CEP135: variants seen among roughly 807,000 people sequenced by gnomAD.
CEP135 encodes centrosomal protein of 135 kDa.
Under a neutral mutation model 157.3 loss-of-function variants are expected in CEP135, and 142 were observed. That is an observed-to-expected ratio of 0.90 (90% confidence interval 0.79 to 1.04). The LOEUF is 1.04. Among genes scored for constraint, CEP135 ranks in the 50% least tolerant of loss-of-function variants. The pLI, the probability that CEP135 is intolerant of heterozygous loss-of-function variation, is 0.00. For synonymous variants in CEP135, 396 were observed against 439.8 expected (o/e 0.90, Z 1.25); for missense variants, 1,317 against 1,309.2 (o/e 1.01, Z -0.09).
intron 8 of CEP135, among the ~76,000 whole-genome samples, chr4:55,968,218 C>G (rs1191942676): frequency 5.3e-5 from 8 of 152,002 alleles, no homozygotes; most frequent in Admixed American, 6.5e-5. Context: ...GATGAAAAAC[C>G]CTTACACTTG....
intron 17 of CEP135, among the ~76,000 whole-genome samples, chr4:56,001,294 C>T (rs906273115): frequency 4.6e-5 from 7 of 152,104 alleles, no homozygotes; most frequent in African/African-American, 1.7e-4. Flanking sequence ...ACTTTTGTTG[C>T]CTGTGCTTTT....
chr4:55,968,825 A>G (rs1264007897), intron 8 of CEP135, among the ~76,000 whole-genome samples: 2 of 152,212 alleles, frequency 1.3e-5, no homozygotes, highest in African/African-American at 2.4e-5. Flanking sequence ...AGATCCTACA[A>G]GATGCTCAAG....
intron 17 of CEP135, among the ~76,000 whole-genome samples, chr4:56,005,156 CAAA>C (rs1730311808): frequency 6.6e-6 from 1 of 152,036 alleles, no homozygotes; most frequent in Admixed American, 6.6e-5. Flanking sequence ...ACAATAAAAA[CAAA>C]GAAGACCAGG....
At chr4:56,015,920 C>A (rs934250525) in intron 21 of CEP135, among the ~76,000 whole-genome samples, 6 of 152,120 alleles carry the variant, frequency 3.9e-5, no homozygotes, top group African/African-American at 1.4e-4. Context: ...ATTGTGTCCA[C>A]CAGAAAGATA....
At chr4:55,998,435 T>G (rs1730050021) in intron 15 of CEP135, among the ~76,000 whole-genome samples, 1 of 152,220 alleles carries the variant, frequency 6.6e-6, no homozygotes, top group Non-Finnish European at 1.5e-5. Context: ...TCGTTAACCA[T>G]GTAGGCCGCT....
chr4:55,959,059 C>T lies in CEP135; in HGVS notation c.615-623C>T, dbSNP rs142658683. 5.2e-3 allele frequency among the ~76,000 whole-genome samples: 795 copies of T among 151,996 alleles called. 9 individuals are homozygous for T. Among genetic ancestry groups the T allele is most frequent in the African/African-American group, 0.018 (747 of 41,448 alleles). ...GTGATCGGGCCACAGGATTCTAGCC[C>T]GGGTAACATAGGAAGGCCCTGTCTC... On this transcript the variant is annotated intron_variant, in intron 5 of 25. Transcript: ENST00000257287.
In CEP135 at chr4:56,011,884, G is replaced by A; in HGVS notation, c.2701G>A (p.Glu901Lys). 1 of 1,607,682 alleles carries A rather than the reference G, an allele frequency of 6.2e-7. No individual in the cohort carries two copies. The highest frequency in any genetic ancestry group is 1.1e-5 in the South Asian group (1 of 90,310). Residue 901 changes from glutamate to lysine, a missense_variant, in exon 21 of 26, where the codon GAG (glutamate) becomes AAG (lysine). Physicochemically the swap from Glu to Lys is moderately conservative, Grantham distance 56. Transcript: ENST00000257287. ...CTGGGAGGTCAAAGCCCATCAAGCT[G>A]AGGGAGAAAGCAGCTCAGTTCGACT... The part of the protein sequence containing the change: ...EDWEVKAHQA[E>K]GESSSVRLEL...
intron 19 of CEP135, among the ~76,000 whole-genome samples, chr4:56,010,684 G>A (rs1177251061): frequency 6.6e-6 from 1 of 152,188 alleles, no homozygotes; most frequent in Admixed American, 6.5e-5. Context: ...GAGTGTTTTA[G>A]AATGGCAAGT....
At chr4:55,963,825 C>A (rs1435458196) in intron 6 of CEP135, among the ~76,000 whole-genome samples, 1 of 152,144 alleles carries the variant, frequency 6.6e-6, no homozygotes, top group African/African-American at 2.4e-5. Flanking sequence ...ATTAAATTCA[C>A]CCCAGTTTCC....
intron 13 of CEP135, among the ~76,000 whole-genome samples, chr4:55,982,510 G>A (rs553922464): frequency 1.3e-5 from 2 of 152,224 alleles, no homozygotes; most frequent in East Asian, 3.9e-4. Context: ...GATTTGCATT[G>A]CCTTGAGGCT....
intron 14 of CEP135, among the ~76,000 whole-genome samples, chr4:55,991,682 G>A (rs1729801786): frequency 6.6e-6 from 1 of 151,884 alleles, no homozygotes. Context: ...CTGTTTCATT[G>A]CTGTTATAGA....
intron 10 of CEP135, 118 bp from the exon 11 acceptor site, chr4:55,974,628 G>T (rs1374875843): frequency 1.4e-6 from 1 of 732,456 alleles, no homozygotes; most frequent in African/African-American, 1.8e-5. Context: ...CAGGTGTTAT[G>T]TAGAACAGTT....
At chr4:56,029,645 C>T (rs1377921176) in intron 25 of CEP135, among the ~76,000 whole-genome samples, 1 of 152,178 alleles carries the variant, frequency 6.6e-6, no homozygotes, top group Non-Finnish European at 1.5e-5. Context: ...TAGCCTACTG[C>T]ATACCCAGGC....
At chr4:55,991,138 G>C (rs548951770) in intron 14 of CEP135, among the ~76,000 whole-genome samples, 105 of 152,174 alleles carry the variant, frequency 6.9e-4, no homozygotes, top group Non-Finnish European at 7.4e-5. Flanking sequence ...ACCACGCCTA[G>C]CTAATTTTTT....
At chr4:56,017,012 T>G (rs996270114) in intron 21 of CEP135, among the ~76,000 whole-genome samples, 3 of 152,130 alleles carry the variant, frequency 2.0e-5, no homozygotes, top group Non-Finnish European at 4.4e-5. Flanking sequence ...CAATGCAGAA[T>G]TCTCCCCAAA....
intron 15 of CEP135, among the ~76,000 whole-genome samples, chr4:55,997,010 A>C (rs1729993161): frequency 6.6e-6 from 1 of 152,184 alleles, no homozygotes; most frequent in African/African-American, 2.4e-5. Context: ...GTTCATTTTT[A>C]TTGCTTCACT....
rs547021067 is a variant in CEP135, at chr4:56,000,041, A to C, written c.2280+396A>C. On this transcript the variant is annotated intron_variant, in intron 17 of 25. Transcript: ENST00000257287. Reference sequence around the variant, plus strand: ...TCCATCTCTACCAAAAATACAAAAAATTAGCTAGGTGTGGTGGTGTGCACC... The same window carrying C: ...TCCATCTCTACCAAAAATACAAAAACTTAGCTAGGTGTGGTGGTGTGCACC... 3.3e-5 allele frequency among the ~76,000 whole-genome samples: 5 copies of C among 152,090 alleles called. No individual in the cohort carries two copies. The East Asian group carries it at 9.7e-4, about 29-fold the overall frequency.
At chr4:55,986,388 A>G (rs1288237337) in intron 14 of CEP135, among the ~76,000 whole-genome samples, 2 of 152,074 alleles carry the variant, frequency 1.3e-5, no homozygotes, top group Admixed American at 6.5e-5. Flanking sequence ...CAAAAAATTT[A>G]CAAATTGGCC....
At chr4:56,027,699 G>A (rs1017848057) in intron 25 of CEP135, among the ~76,000 whole-genome samples, 2 of 151,930 alleles carry the variant, frequency 1.3e-5, no homozygotes, top group Admixed American at 6.6e-5. Context: ...GTTTTGTTTT[G>A]TTTTTAGAGC....
Sources: gnomAD v4.1 joint callset for allele counts (sites outside exome capture counted in the v4.1 genomes callset) on GRCh38, gnomAD v4.1.1 for gene constraint, MANE v1.5 for transcripts, NCBI Gene and HGNC (gene_info 2026-07-23, HGNC 2026-07-21) for gene names.